The following SHISA9 variants were observed in gnomAD, a reference collection of about 807,000 sequenced individuals.
The protein encoded by SHISA9 is protein shisa-9.
SHISA9 carries 13 observed loss-of-function variants against 38.0 expected under a neutral mutation model. The ratio of observed to expected loss-of-function variants is 0.34; its 90% CI spans 0.22 to 0.54. The LOEUF (loss-of-function observed/expected upper bound fraction) is 0.54. Among genes scored for constraint, SHISA9 ranks in the 20% least tolerant of loss-of-function variants. The pLI is 0.91. For missense variants in SHISA9, 538 were observed against 575.8 expected, an observed-to-expected ratio of 0.93 and a Z score of 0.67; for synonymous variants, 275 against 242.0, an observed-to-expected ratio of 1.14 and a Z score of -1.27.
chr16:12,906,632 C>G (rs890936544), intron 1 of SHISA9, among the ~76,000 whole-genome samples: 1 of 152,144 alleles, frequency 6.6e-6, no homozygotes, highest in African/African-American at 2.4e-5. Flanking sequence ...GGTATTTCTA[C>G]TTAGGTGTTT....
intron 2 of SHISA9, among the ~76,000 whole-genome samples, chr16:13,124,562 CTG>C (rs1218768026): frequency 1.3e-5 from 2 of 152,164 alleles, no homozygotes; most frequent in Admixed American, 1.3e-4. Context: ...GTTAATGTAA[CTG>C]TGAGCCCATG....
intron 2 of SHISA9, among the ~76,000 whole-genome samples, chr16:13,142,740 TG>T (rs375640737): frequency 4.0e-5 from 6 of 151,846 alleles, no homozygotes; most frequent in South Asian, 2.1e-4. Context: ...TTTCACAGAG[TG>T]GGGGGGATGT....
At chr16:13,386,224 A>T in the SHISA9 span, among the ~76,000 whole-genome samples, 2 of 152,220 alleles carry the variant, frequency 1.3e-5, no homozygotes, top group Admixed American at 1.3e-4. Flanking sequence ...GCATAATGTT[A>T]TCATTAGGAG....
the SHISA9 span, chr16:13,350,231 C>G: frequency 2.6e-5 from 4 of 152,262 alleles, no homozygotes; most frequent in African/African-American, 4.8e-5. Context: ...TTCAGATTCT[C>G]TGGCCTTCAG....
chr16:13,089,069 T>C (rs1338961543), intron 2 of SHISA9, among the ~76,000 whole-genome samples: 2 of 152,346 alleles, frequency 1.3e-5, no homozygotes, highest in East Asian at 1.9e-4. Flanking sequence ...AAGATAATCA[T>C]GTGGTTTTTG....
At chr16:13,019,846 C>CT (rs1173011465) in intron 2 of SHISA9, among the ~76,000 whole-genome samples, 2 of 15,148 alleles carry the variant, frequency 1.3e-4, no homozygotes, top group African/African-American at 6.3e-4. Flanking sequence ...TTCCTTCCTT[C>CT]CCTCCCTCCC....
intron 2 of SHISA9, among the ~76,000 whole-genome samples, chr16:13,099,434 C>T (rs951345763): frequency 6.6e-6 from 1 of 152,068 alleles, no homozygotes; most frequent in African/African-American, 2.4e-5. Flanking sequence ...ACAAAGAATG[C>T]TGGGGAGAGG....
At chr16:13,320,981 G>A in the SHISA9 span, among the ~76,000 whole-genome samples, 3 of 152,194 alleles carry the variant, frequency 2.0e-5, no homozygotes, top group Admixed American at 1.3e-4. Flanking sequence ...CTTGGTAGCC[G>A]TTAACCAGAT....
chr16:13,017,006 T>C (rs1021795065), intron 2 of SHISA9, among the ~76,000 whole-genome samples: 12 of 151,622 alleles, frequency 7.9e-5, no homozygotes, highest in East Asian at 2.0e-4. Flanking sequence ...TCTTCTTCTT[T>C]TTTGTTTCTT....
chr16:13,206,435 C>A (rs376207334), intron 3 of SHISA9, among the ~76,000 whole-genome samples: 2 of 152,150 alleles, frequency 1.3e-5, no homozygotes, highest in African/African-American at 2.4e-5. Context: ...ACACCAGAAC[C>A]CAAAGCACTG....
At chr16:13,017,207 A>T (rs557224026) in intron 2 of SHISA9, among the ~76,000 whole-genome samples, 1 of 151,924 alleles carries the variant, frequency 6.6e-6, no homozygotes, top group African/African-American at 2.4e-5. Context: ...TTCAGTAGAG[A>T]TGGGGTTTCA....
intron 4 of SHISA9, among the ~76,000 whole-genome samples, chr16:13,214,337 G>A (rs1461321402): frequency 6.6e-6 from 1 of 152,124 alleles, no homozygotes; most frequent in Non-Finnish European, 1.5e-5. Flanking sequence ...GAGTAGCTGG[G>A]ATTACAGGCA....
rs1402772810 is a variant in SHISA9 at position 13,235,348 on chromosome 16, A to C, written c.1214A>C (p.Gln405Pro). ...AGCGACCCCTTGGGAACTCGCCCCC[A>C]GCACTACCCACCCCCACAGCCATAC... ...GSSDPLGTRP[Q>P]HYPPPQPYFI... Residue 405 changes from glutamine (Q) to proline (P), a missense_variant, in exon 5 of 5, where the codon CAG (glutamine) becomes CCG (proline). Gln to Pro is a moderately conservative substitution (Grantham distance 76). Coordinates refer to ENST00000558583, the MANE Select transcript of SHISA9 (RefSeq NM_001145204.3). 6.5e-7 allele frequency: 1 copy of C among 1,543,376 alleles called. No individual in the cohort carries two copies. The highest frequency in any genetic ancestry group is 1.4e-5 in the African/African-American group (1 of 72,998).
chr16:13,393,628 G>A, the SHISA9 span, among the ~76,000 whole-genome samples: 1 of 152,194 alleles, frequency 6.6e-6, no homozygotes, highest in Non-Finnish European at 1.5e-5. Context: ...TAGGTTGTTA[G>A]TCCTATCAGG....
rs917354928 is a variant in SHISA9 at position 13,237,969 on chromosome 16, C to T, written c.*2560C>T. ...TGTTTTTAAAATGAAAACTTCCTGT[C>T]TTCATCACAAATTTAAAAAAAATCA... On this transcript the variant is annotated 3_prime_UTR_variant, in exon 5 of 5. Transcript: ENST00000558583. 6.6e-6 allele frequency: 1 copy of T among 152,158 alleles called. No homozygotes were observed. Among genetic ancestry groups the T allele is most frequent in the East Asian group, 1.9e-4 (1 of 5,168 alleles). The allele number at this position is 152,158 out of a possible 1,614,324, so 9.4% of individuals were successfully genotyped here. A position where few individuals can be genotyped will look rare whatever the true frequency, so the allele number is the denominator to read the frequency against.
At chr16:13,325,718 G>A in the SHISA9 span, among the ~76,000 whole-genome samples, 1 of 152,134 alleles carries the variant, frequency 6.6e-6, no homozygotes, top group South Asian at 2.1e-4. Context: ...ACACTATGCA[G>A]CCATAAAAGG....
At chr16:13,151,190 T>C (rs2050496001) in intron 2 of SHISA9, among the ~76,000 whole-genome samples, 1 of 152,156 alleles carries the variant, frequency 6.6e-6, no homozygotes, top group African/African-American at 2.4e-5. Flanking sequence ...CACTGCAACA[T>C]TTGCCTCCCG....
the SHISA9 span, among the ~76,000 whole-genome samples, chr16:13,425,155 T>C: frequency 5.9e-5 from 9 of 152,184 alleles, no homozygotes; most frequent in African/African-American, 1.7e-4. Context: ...AAACAATTGG[T>C]ATACATGGGC....
At chr16:13,284,626 C>G in the SHISA9 span, among the ~76,000 whole-genome samples, 2 of 152,102 alleles carry the variant, frequency 1.3e-5, no homozygotes, top group Non-Finnish European at 2.9e-5. Context: ...AAGACAGAGT[C>G]TTGCTCTGTC....
Sources: allele counts gnomAD v4.1 joint callset (sites outside exome capture counted in the v4.1 genomes callset), GRCh38; gene constraint gnomAD v4.1.1; transcripts MANE v1.5; gene names NCBI Gene and HGNC (gene_info 2026-07-23, HGNC 2026-07-21).